IGF2BP3: variants seen among roughly 807,000 people sequenced by gnomAD.
IGF2BP3 encodes insulin like growth factor 2 mRNA binding protein 3.
Under a neutral mutation model 73.8 loss-of-function variants are expected in IGF2BP3, and 9 were observed. The observed-to-expected ratio is 0.12, with a 90% CI of 0.07 to 0.21. The LOEUF is 0.21. Ranked by LOEUF, IGF2BP3 falls within the 10% of genes least tolerant of loss-of-function variation. The probability of loss-of-function intolerance (pLI) is 1.00; values close to 1 mark genes in which losing one functional copy is unlikely to be tolerated. For synonymous variants in IGF2BP3, 258 were observed against 256.7 expected (o/e 1.01, Z -0.05); for missense variants, 542 against 714.0 (o/e 0.76, Z 2.75).
At chr7:23,449,554 CTTTTTTTT>C (rs376571131) in intron 2 of IGF2BP3, among the ~76,000 whole-genome samples, 3 of 106,934 alleles carry the variant, frequency 2.8e-5, no homozygotes, top group African/African-American at 7.0e-5. Context: ...TTTTCTTTTT[CTTTTTTTT>C]TTTTTTTTTT....
chr7:23,358,989 A>G (rs1785160566), intron 5 of IGF2BP3, among the ~76,000 whole-genome samples: 1 of 152,222 alleles, frequency 6.6e-6, no homozygotes, highest in Non-Finnish European at 1.5e-5. Context: ...AACTGACTGA[A>G]TATTAGAACA....
At chr7:23,417,155 G>A (rs169278) in intron 3 of IGF2BP3, among the ~76,000 whole-genome samples, 54,165 of 152,060 alleles carry the variant, frequency 0.36, 10,755 homozygotes, top group African/African-American at 0.54. Flanking sequence ...ACACCTAACA[G>A]CAGCAGCCCA....
chr7:23,467,025 T>C (rs1166992542), intron 2 of IGF2BP3, among the ~76,000 whole-genome samples: 3 of 152,210 alleles, frequency 2.0e-5, no homozygotes, highest in Admixed American at 1.3e-4. Flanking sequence ...TAAGCTTCTT[T>C]TTACGGGAAT....
chr7:23,389,209 G>T (rs1786190930), intron 3 of IGF2BP3, among the ~76,000 whole-genome samples: 1 of 150,868 alleles, frequency 6.6e-6, no homozygotes, highest in Non-Finnish European at 1.5e-5. Flanking sequence ...CGCCCAGGCT[G>T]GAGTGCAGCG....
intron 3 of IGF2BP3, among the ~76,000 whole-genome samples, chr7:23,382,894 CAAAAAAAAAAA>C (rs57466793): frequency 1.8e-4 from 9 of 49,116 alleles, no homozygotes; most frequent in African/African-American, 2.8e-4. Context: ...CTAGCTCTAC[CAAAAAAAAAAA>C]AAAAAAAAAA....
intron 3 of IGF2BP3, among the ~76,000 whole-genome samples, chr7:23,407,009 T>C (rs974319719): frequency 3.3e-5 from 5 of 151,642 alleles, no homozygotes; most frequent in African/African-American, 1.2e-4. Flanking sequence ...TTATTAGAAA[T>C]CAATAAAACA....
At position 23,340,903 on chromosome 7, in the gene IGF2BP3, G is replaced by A. The variant is rs1784693959; in HGVS notation, c.1203+1161C>T. ...TTCGCTCTGTCGCCCAGGCTGGAGT[G>A]CAATGGCGCAATCTCAGCTCACTAC... On this transcript the variant is annotated intron_variant, in intron 10 of 14. Coordinates refer to ENST00000258729, the MANE Select transcript of IGF2BP3 (RefSeq NM_006547.3). Among the ~76,000 whole-genome samples the A allele has an allele frequency of 2.0e-5, 3 of 148,012 alleles. No homozygotes were observed. The South Asian group carries it at 6.4e-4, about 31-fold the overall frequency.
At chr7:23,361,288 G>A in intron 5 of IGF2BP3, 1 of 364,742 alleles carries the variant, frequency 2.7e-6, no homozygotes, top group South Asian at 3.7e-5. Context: ...GTGTGATTCA[G>A]TTTCATACTA....
chr7:23,344,816 T>C (rs1295185527), intron 8 of IGF2BP3, among the ~76,000 whole-genome samples: 2 of 152,210 alleles, frequency 1.3e-5, no homozygotes, highest in Non-Finnish European at 2.9e-5. Flanking sequence ...ATGTAAACAT[T>C]TGTATAATGA....
intron 3 of IGF2BP3, among the ~76,000 whole-genome samples, chr7:23,373,588 C>T (rs1479830439): frequency 6.6e-6 from 1 of 152,126 alleles, no homozygotes; most frequent in East Asian, 1.9e-4. Context: ...AATCAAAACC[C>T]TCATACATTG....
intron 3 of IGF2BP3, among the ~76,000 whole-genome samples, chr7:23,372,964 C>G (rs1403399445): frequency 1.3e-5 from 2 of 152,190 alleles, no homozygotes; most frequent in African/African-American, 4.8e-5. Context: ...CAAACTCCAG[C>G]TCACAGATTC....
rs141427044 is a variant in IGF2BP3 at position 23,444,047 on chromosome 7, T to C, written c.236+24435A>G. ...CAAAACAAAAAAAACACCATTAGAA[T>C]TAAATTTAGAGCACTGAACAAGTTC... On this transcript the variant is annotated intron_variant, in intron 2 of 14. Coordinates refer to ENST00000258729, the MANE Select transcript of IGF2BP3 (RefSeq NM_006547.3). 4.9e-3 allele frequency among the ~76,000 whole-genome samples: 747 copies of C among 152,180 alleles called. 7 individuals are homozygous for C. Among genetic ancestry groups the C allele is most frequent in the Middle Eastern group, 0.01 (3 of 294 alleles).
intron 3 of IGF2BP3, among the ~76,000 whole-genome samples, chr7:23,379,561 G>C (rs924937920): frequency 6.6e-6 from 1 of 152,158 alleles, no homozygotes; most frequent in Non-Finnish European, 1.5e-5. Flanking sequence ...AATAATCAAG[G>C]AGAAGTTATG....
Position 23,351,531 on chromosome 7 carries a change from A to G in IGF2BP3, c.457T>C (p.Tyr153His), listed in dbSNP as rs1784961997. 1 of 1,613,988 alleles carries G rather than the reference A, an allele frequency of 6.2e-7. No individual in the cohort carries two copies. Among genetic ancestry groups the G allele is most frequent in the Non-Finnish European group, 8.5e-7 (1 of 1,180,016 alleles). Residue 153 changes from tyrosine to histidine, a missense_variant, in exon 6 of 15, where the codon TAT becomes CAT. Physicochemically the swap from Tyr to His is moderately conservative, Grantham distance 83. Around this residue, in one of 2 missense-constraint regions of IGF2BP3, gnomAD observed 239 missense variants for 241.9 expected, o/e 0.99. Coordinates refer to ENST00000258729, the MANE Select transcript of IGF2BP3 (RefSeq NM_006547.3). ...QLENFTLKVA[Y>H]IPDEMAAQQN... ...TGGGCGGCCATTTCATCAGGGATAT[A>G]GGCTACTTTCAAGGTGAAATTCTCT...
At position 23,310,408 on chromosome 7, in the gene IGF2BP3, G is replaced by T. The variant is rs2128489974; in HGVS notation, c.*1954C>A. ...TAAAATATGATTTGCCATACTAAAA[G>T]GCTAGAAGTGAAATATGACAGAATT... On this transcript the variant is annotated 3_prime_UTR_variant, in exon 15 of 15. Coordinates refer to ENST00000258729, the MANE Select transcript of IGF2BP3 (RefSeq NM_006547.3). The T allele has an allele frequency of 6.6e-6, 1 of 152,248 alleles. No homozygotes were observed. The highest frequency in any genetic ancestry group is 2.1e-4 in the South Asian group (1 of 4,820). The allele number at this position is 152,248 out of a possible 1,614,324, so 9.4% of individuals were successfully genotyped here. A position where few individuals can be genotyped will look rare whatever the true frequency, so the allele number is the denominator to read the frequency against.
At chr7:23,441,016 A>C (rs1041667472) in intron 2 of IGF2BP3, among the ~76,000 whole-genome samples, 12 of 152,140 alleles carry the variant, frequency 7.9e-5, no homozygotes, top group Admixed American at 6.5e-5. Context: ...TACACACATA[A>C]ATAACTTAAA....
In IGF2BP3 at chr7:23,329,212, C is replaced by CAA. The variant is rs1216605827; in HGVS notation, c.1204-9960_1204-9959dup. ...TGGGCGACAGAGCAAGACTCCGTCT[C>CAA]AAAAAAAAAAAAAATTAAAACAAGG... On this transcript the variant is annotated intron_variant, in intron 10 of 14. Transcript: ENST00000258729. Among the ~76,000 whole-genome samples the CAA allele has an allele frequency of 4.7e-3, 617 of 131,816 alleles. 8 individuals carry two copies. The highest frequency in any genetic ancestry group is 0.016 in the African/African-American group (580 of 35,922). 86.5% of individuals were successfully genotyped at this position (131,816 alleles called of 152,430 possible).
rs78395435 is a variant in IGF2BP3, at chr7:23,462,018, T to C, written c.236+6464A>G. On this transcript the variant is annotated intron_variant, in intron 2 of 14. Transcript: ENST00000258729. ...GTCAACTCTGCCAGGAAAAAAAAACTCCAGCTTCTTCTGAACAATAAGGTA... is the reference window on the plus strand; with the variant it reads ...GTCAACTCTGCCAGGAAAAAAAAACCCCAGCTTCTTCTGAACAATAAGGTA... Among the ~76,000 whole-genome samples, 951 of 152,224 alleles carry C rather than the reference T, an allele frequency of 6.2e-3. 6 individuals carry two copies. Among genetic ancestry groups the C allele is most frequent in the African/African-American group, 0.022 (899 of 41,554 alleles).
intron 2 of IGF2BP3, among the ~76,000 whole-genome samples, chr7:23,454,191 A>C (rs1189312553): frequency 2.0e-5 from 3 of 152,008 alleles, no homozygotes; most frequent in Admixed American, 2.0e-4. Flanking sequence ...TCCTTCGTTC[A>C]TTTTTATACT....
Sources: allele counts gnomAD v4.1 joint callset (sites outside exome capture counted in the v4.1 genomes callset), GRCh38; gene constraint gnomAD v4.1.1; regional missense constraint gnomAD v4.1.1; transcripts MANE v1.5; gene names NCBI Gene and HGNC (gene_info 2026-07-23, HGNC 2026-07-21).